BZW2: variants seen among roughly 807,000 people sequenced by gnomAD.
BZW2 encodes the protein eIF5-mimic protein 1.
BZW2 carries 23 observed loss-of-function variants against 53.2 expected under a neutral mutation model. The observed-to-expected ratio is 0.43, with a 90% confidence interval of 0.31 to 0.61. The LOEUF (loss-of-function observed/expected upper bound fraction) is 0.61. BZW2 is among the 20% of genes least tolerant of loss of function. BZW2 has a pLI of 0.09. For synonymous variants in BZW2, 227 were observed against 186.4 expected (o/e 1.22, Z -1.77); for missense variants, 409 against 503.1 (o/e 0.81, Z 1.79).
chr7:16,696,893 A>T, intron 8 of BZW2, 22 bp from the exon 9 acceptor site: 1 of 1,613,458 alleles, frequency 6.2e-7, no homozygotes, highest in South Asian at 1.1e-5. Context: ...TTACTTTCTG[A>T]CCCCATTTCC....
chr7:16,650,551 A>G (rs1296978487), intron 1 of BZW2, among the ~76,000 whole-genome samples: 1 of 152,140 alleles, frequency 6.6e-6, no homozygotes, highest in African/African-American at 2.4e-5. Context: ...TCTGACACCT[A>G]CTTTCTAATT....
At chr7:16,692,725 C>T (rs1160476093) in intron 7 of BZW2, among the ~76,000 whole-genome samples, 1 of 152,150 alleles carries the variant, frequency 6.6e-6, no homozygotes, top group African/African-American at 2.4e-5. Flanking sequence ...GATCACGCCA[C>T]TTCACTCCGG....
chr7:16,698,176 C>G lies in BZW2; in HGVS notation c.1098C>G (p.Leu366=). ...FMKAFQKIVV[L]FYKADVLSEE... ...AAGCCTTTCAGAAGATTGTGGTTCTCTTTTATAAAGGTATCCATCCACGTG... is the reference window on the plus strand; with the variant it reads ...AAGCCTTTCAGAAGATTGTGGTTCTGTTTTATAAAGGTATCCATCCACGTG... Residue 366 remains leucine, a synonymous_variant, in exon 10 of 12, where the codon CTC becomes CTG. Coordinates refer to ENST00000258761, the MANE Select transcript of BZW2 (RefSeq NM_014038.3). The G allele has an allele frequency of 6.2e-7, 1 of 1,614,144 alleles. No individual in the cohort carries two copies. The highest frequency in any genetic ancestry group is 1.3e-5 in the African/African-American group (1 of 75,048).
chr7:16,651,779 C>T (rs1355122523), intron 1 of BZW2, among the ~76,000 whole-genome samples: 3 of 152,130 alleles, frequency 2.0e-5, no homozygotes, highest in African/African-American at 7.2e-5. Context: ...CCTTTTCCCC[C>T]CCACCGCTTA....
At chr7:16,650,728 C>T (rs1335323758) in intron 1 of BZW2, among the ~76,000 whole-genome samples, 1 of 152,134 alleles carries the variant, frequency 6.6e-6, no homozygotes, top group East Asian at 1.9e-4. Context: ...GAATACTTTT[C>T]ATTCTTAACT....
At chr7:16,696,014 A>T (rs1419771251) in intron 8 of BZW2, 1 of 152,222 alleles carries the variant, frequency 6.6e-6, no homozygotes, top group Non-Finnish European at 1.5e-5. Flanking sequence ...TCCTCCAGCC[A>T]GCACAGGGAC....
intron 1 of BZW2, among the ~76,000 whole-genome samples, chr7:16,653,050 GT>G (rs1782027197): frequency 6.6e-6 from 1 of 152,070 alleles, no homozygotes; most frequent in Non-Finnish European, 1.5e-5. Flanking sequence ...GTGTGTGTGT[GT>G]GTGTGTAGCC....
chr7:16,679,303 A>C (rs1429690163), intron 3 of BZW2, among the ~76,000 whole-genome samples: 1 of 152,228 alleles, frequency 6.6e-6, no homozygotes, highest in Non-Finnish European at 1.5e-5. Flanking sequence ...TGGGGAACTA[A>C]CAAATGTCCA....
intron 5 of BZW2, among the ~76,000 whole-genome samples, chr7:16,684,320 A>C (rs1014074619): frequency 6.6e-6 from 1 of 152,240 alleles, no homozygotes; most frequent in Non-Finnish European, 1.5e-5. Context: ...TGTAGGTATT[A>C]ATACACATAA....
At chr7:16,672,661 C>T (rs1782639726) in intron 2 of BZW2, among the ~76,000 whole-genome samples, 1 of 152,194 alleles carries the variant, frequency 6.6e-6, no homozygotes, top group South Asian at 2.1e-4. Context: ...AGTTGAACTA[C>T]AGACCCTTTA....
chr7:16,695,855 C>G (rs898249459), intron 8 of BZW2: 1 of 152,168 alleles, frequency 6.6e-6, no homozygotes, highest in Non-Finnish European at 1.5e-5. Flanking sequence ...GACAAATATT[C>G]TTAAGTCTCA....
intron 1 of BZW2, chr7:16,661,126 T>C (rs575099296): frequency 6.6e-6 from 1 of 152,256 alleles, no homozygotes; most frequent in South Asian, 2.1e-4. Flanking sequence ...TAATATAGCA[T>C]GTTACGTAAG....
At chr7:16,686,233 A>T in intron 6 of BZW2, 193 bp downstream of exon 6, 1 of 849,356 alleles carries the variant, frequency 1.2e-6, no homozygotes, top group East Asian at 2.9e-5. Context: ...AGGAAGTTTG[A>T]AGGAAAAAAT....
chr7:16,667,279 C>CAAAAAAAAAAAAAA (rs748681228), intron 2 of BZW2, among the ~76,000 whole-genome samples: 1 of 60,312 alleles, frequency 1.7e-5, no homozygotes, highest in African/African-American at 5.0e-5. Flanking sequence ...AGCTCCATCT[C>CAAAAAAAAAAAAAA]AAAAAAAAAA....
intron 1 of BZW2, among the ~76,000 whole-genome samples, chr7:16,663,403 G>A (rs1318125160): frequency 6.6e-6 from 1 of 151,904 alleles, no homozygotes; most frequent in East Asian, 1.9e-4. Context: ...TATAGGGTTG[G>A]CAAAAATTAT....
intron 2 of BZW2, 94 bp from the exon 3 acceptor site, chr7:16,674,318 C>A: frequency 1.1e-6 from 1 of 889,474 alleles, no homozygotes; most frequent in Non-Finnish European, 1.6e-6. Context: ...ATTTTTTTTT[C>A]CTATCTTAGA....
Position 16,685,965 on chromosome 7 carries a change from G to T in BZW2, c.466G>T (p.Gly156Trp). ...GCAGACAAAGTTGGCGATGCTGTCG[G>T]GGATTCTGCTGGGCAATGGCACCCT... ...TEQTKLAMLS[G>W]ILLGNGTLPA... Residue 156 changes from glycine to tryptophan, a missense_variant, in exon 6 of 12, where the codon GGG (glycine) becomes TGG (tryptophan). Gly to Trp is a radical substitution (Grantham distance 184, BLOSUM62 -2). Around this residue, in one of 3 missense-constraint regions of BZW2, gnomAD observed 316 missense variants for 366.8 expected, o/e 0.86. Coordinates refer to ENST00000258761, the MANE Select transcript of BZW2 (RefSeq NM_014038.3). 1 of 1,588,506 alleles carries T rather than the reference G, an allele frequency of 6.3e-7. No homozygotes were observed.
intron 2 of BZW2, among the ~76,000 whole-genome samples, chr7:16,672,233 T>A (rs1782623698): frequency 6.6e-6 from 1 of 152,318 alleles, no homozygotes; most frequent in South Asian, 2.1e-4. Context: ...GGAGATTTAT[T>A]GAGATTTTTC....
chr7:16,672,280 A>G (rs1782625538), intron 2 of BZW2, among the ~76,000 whole-genome samples: 1 of 152,062 alleles, frequency 6.6e-6, no homozygotes, highest in Admixed American at 6.5e-5. Context: ...CATTCTGTCT[A>G]TTCGATGTAT....
Sources: allele counts gnomAD v4.1 joint callset (sites outside exome capture counted in the v4.1 genomes callset), GRCh38; gene constraint gnomAD v4.1.1; regional missense constraint gnomAD v4.1.1; transcripts MANE v1.5; gene names NCBI Gene and HGNC (gene_info 2026-07-23, HGNC 2026-07-21).